The following ASTN2 variants were observed in gnomAD, a reference collection of about 807,000 sequenced individuals.
ASTN2 encodes the protein astrotactin-2.
In ASTN2, 54 loss-of-function variants were observed where a neutral mutation model predicts 139.8. That is an observed-to-expected ratio of 0.39 (90% CI 0.31 to 0.48). ASTN2 has a LOEUF of 0.48. Ranked by LOEUF, ASTN2 falls within the 20% of genes least tolerant of loss-of-function variation. The probability of loss-of-function intolerance (pLI) is 0.95; values close to 1 mark genes in which losing one functional copy is unlikely to be tolerated. For missense variants in ASTN2, 1,565 were observed against 1,725.1 expected (o/e 0.91, Z 1.64); for synonymous variants, 756 against 719.5 (o/e 1.05, Z -0.81).
At chr9:116,915,216 T>C (rs1350572267) in intron 10 of ASTN2, among the ~76,000 whole-genome samples, 1 of 152,210 alleles carries the variant, frequency 6.6e-6, no homozygotes. Context: ...TAGCAGTGAC[T>C]CTAGACTCCC....
At chr9:116,686,719 C>G (rs1860234435) in intron 16 of ASTN2, 1 of 1,550,566 alleles carries the variant, frequency 6.4e-7, no homozygotes, top group Non-Finnish European at 8.7e-7. Flanking sequence ...GGGACAGGGG[C>G]TGCAGAGTGT....
intron 10 of ASTN2, among the ~76,000 whole-genome samples, chr9:116,881,182 T>C (rs939218514): frequency 2.0e-5 from 3 of 152,104 alleles, no homozygotes; most frequent in Non-Finnish European, 2.9e-5. Flanking sequence ...AATGAGCCCA[T>C]TATTAAAGTG....
intron 6 of ASTN2, among the ~76,000 whole-genome samples, chr9:117,033,176 A>G (rs1375279318): frequency 6.6e-6 from 1 of 152,150 alleles, no homozygotes; most frequent in Non-Finnish European, 1.5e-5. Flanking sequence ...TTTAAAATTT[A>G]CAGTTTGATA....
In ASTN2 at chr9:116,985,364, G is replaced by T. The variant is rs144819496; in HGVS notation, c.1592-8579C>A. 3.9e-3 allele frequency among the ~76,000 whole-genome samples: 592 copies of T among 152,294 alleles called. 3 individuals carry two copies. Among genetic ancestry groups the T allele is most frequent in the African/African-American group, 0.014 (574 of 41,568 alleles). On this transcript the variant is annotated intron_variant, in intron 7 of 22. Transcript: ENST00000313400. Reference sequence around the variant, plus strand: ...TCTGGTGGCACAGGCTGGTGATCAGGTCTGATAAGAGATTAGATTCCTTAA... The same window carrying T: ...TCTGGTGGCACAGGCTGGTGATCAGTTCTGATAAGAGATTAGATTCCTTAA...
At chr9:116,902,448 A>C (rs1212297201) in intron 10 of ASTN2, among the ~76,000 whole-genome samples, 1 of 152,224 alleles carries the variant, frequency 6.6e-6, no homozygotes, top group African/African-American at 2.4e-5. Flanking sequence ...TAAAGTAAAA[A>C]ATATACCATA....
chr9:116,937,719 T>A (rs561874147), intron 10 of ASTN2, among the ~76,000 whole-genome samples: 7 of 152,210 alleles, frequency 4.6e-5, no homozygotes, highest in South Asian at 4.1e-4. Flanking sequence ...GAATTGAAAT[T>A]AAAAAAAATC....
rs201141879 is a variant in ASTN2 at position 116,503,186 on chromosome 9, GAGGA to G, written c.3356-15690_3356-15687del. 3.9e-3 allele frequency among the ~76,000 whole-genome samples: 589 copies of G among 149,640 alleles called. 3 individuals carry two copies. Among genetic ancestry groups the G allele is most frequent in the African/African-American group, 0.014 (562 of 40,750 alleles). ...AAGGAAGGAAGAAGGAAGAAGGAGG[GAGGA>G]AGGAAGGAAGGAAGGGCACGGCAGG... On this transcript the variant is annotated intron_variant, in intron 19 of 22. Coordinates refer to ENST00000313400, the MANE Select transcript of ASTN2 (RefSeq NM_001365068.1).
chr9:116,710,165 C>T (rs906250263), intron 16 of ASTN2, among the ~76,000 whole-genome samples: 1 of 152,196 alleles, frequency 6.6e-6, no homozygotes, highest in Non-Finnish European at 1.5e-5. Context: ...CCTCCCCAAC[C>T]TTACCCTACA....
intron 3 of ASTN2, among the ~76,000 whole-genome samples, chr9:117,176,738 G>A (rs1830927676): frequency 6.6e-6 from 1 of 152,096 alleles, no homozygotes; most frequent in Non-Finnish European, 1.5e-5. Context: ...TTCAAGACCA[G>A]CCTAAGTAGC....
intron 4 of ASTN2, among the ~76,000 whole-genome samples, chr9:117,131,587 A>G (rs1404347356): frequency 6.6e-6 from 1 of 152,202 alleles, no homozygotes; most frequent in Admixed American, 6.5e-5. Context: ...AAGGTCTTAA[A>G]AAGTACATTT....
intron 3 of ASTN2, among the ~76,000 whole-genome samples, chr9:117,197,881 T>C (rs775117659): frequency 7.2e-5 from 11 of 152,212 alleles, no homozygotes; most frequent in Non-Finnish European, 1.5e-4. Context: ...AGCACTTTAA[T>C]GATGTAATTC....
At chr9:117,293,526 G>A (rs895545527) in intron 1 of ASTN2, among the ~76,000 whole-genome samples, 1 of 152,160 alleles carries the variant, frequency 6.6e-6, no homozygotes, top group Non-Finnish European at 1.5e-5. Context: ...AATCACGAAG[G>A]TTTGTCAGCA....
At position 117,185,026 on chromosome 9, in the gene ASTN2, G is replaced by T. The variant is rs752438946; in HGVS notation, c.1015+29332C>A. ...AAAAGAGGTTAGTTACTCTGTCCAC[G>T]ATTGAGGCACTGTATGGGCACACGA... On this transcript the variant is annotated intron_variant, in intron 3 of 22. Transcript: ENST00000313400. 2.0e-5 allele frequency among the ~76,000 whole-genome samples: 3 copies of T among 152,096 alleles called. No homozygotes were observed. In the South Asian group the frequency reaches 6.2e-4, roughly 32 times the overall value.
chr9:116,571,657 A>T (rs1853521669), intron 19 of ASTN2, among the ~76,000 whole-genome samples: 1 of 152,098 alleles, frequency 6.6e-6, no homozygotes, highest in Non-Finnish European at 1.5e-5. Flanking sequence ...ATGTTTACGC[A>T]TCTGTGTGCC....
chr9:117,333,028 C>T (rs1270225254), intron 1 of ASTN2, among the ~76,000 whole-genome samples: 6 of 151,936 alleles, frequency 3.9e-5, no homozygotes, highest in Admixed American at 2.6e-4. Flanking sequence ...TTTCTTTTCA[C>T]GGTGATAAAA....
At chr9:116,446,901 T>A (rs1446123692) in intron 20 of ASTN2, among the ~76,000 whole-genome samples, 5 of 152,204 alleles carry the variant, frequency 3.3e-5, no homozygotes, top group African/African-American at 1.2e-4. Context: ...TACTCCGAAG[T>A]ATTTTTCAAT....
chr9:117,153,719 C>G (rs1830373921), intron 3 of ASTN2, among the ~76,000 whole-genome samples: 1 of 152,052 alleles, frequency 6.6e-6, no homozygotes, highest in African/African-American at 2.4e-5. Context: ...AGCCACCTTT[C>G]CTTTAGACCA....
At chr9:117,370,847 A>G (rs750116676) in intron 1 of ASTN2, among the ~76,000 whole-genome samples, 2 of 152,130 alleles carry the variant, frequency 1.3e-5, no homozygotes, top group Non-Finnish European at 2.9e-5. Flanking sequence ...AGTAGCTGGG[A>G]TACAGGCATG....
At chr9:116,499,971 C>T (rs1425392053) in intron 19 of ASTN2, among the ~76,000 whole-genome samples, 1 of 152,086 alleles carries the variant, frequency 6.6e-6, no homozygotes, top group East Asian at 1.9e-4. Context: ...GTCTTGCAAC[C>T]CACCTAACTC....
Sources: gnomAD v4.1 joint callset for allele counts (sites outside exome capture counted in the v4.1 genomes callset) on GRCh38, gnomAD v4.1.1 for gene constraint, MANE v1.5 for transcripts, NCBI Gene and HGNC (gene_info 2026-07-23, HGNC 2026-07-21) for gene names.